SDK2: variants seen among roughly 807,000 people sequenced by gnomAD.
SDK2 encodes sidekick cell adhesion molecule 2, also known as protein sidekick-2.
Under a neutral mutation model 253.9 loss-of-function variants are expected in SDK2, and 105 were observed. The observed-to-expected ratio is 0.41, with a 90% CI of 0.35 to 0.49. The LOEUF (loss-of-function observed/expected upper bound fraction) is 0.49, where lower values mean the gene tolerates loss of function less well. Among genes scored for constraint, SDK2 ranks in the 20% least tolerant of loss-of-function variants. The pLI is 0.06. For synonymous variants in SDK2, 1,249 were observed against 1,234.9 expected, an observed-to-expected ratio of 1.01 and a Z score of -0.24; for missense variants, 2,608 against 3,003.0, an observed-to-expected ratio of 0.87 and a Z score of 3.07.
At chr17:73,357,901 C>T in intron 40 of SDK2, 178 bp downstream of exon 40, 3 of 956,892 alleles carry the variant, frequency 3.1e-6, no homozygotes, top group Non-Finnish European at 5.0e-6. Flanking sequence ...GCTAGGAGTC[C>T]AGCTCTAGGA....
At chr17:73,402,229 A>C in intron 18 of SDK2, 88 bp from the exon 19 acceptor site, 1 of 1,393,656 alleles carries the variant, frequency 7.2e-7, no homozygotes, top group Non-Finnish European at 9.9e-7. Context: ...CAATCAACAG[A>C]TGGTGTCCGG....
intron 1 of SDK2, among the ~76,000 whole-genome samples, chr17:73,539,893 C>A (rs1338201705): frequency 6.6e-6 from 1 of 152,218 alleles, no homozygotes; most frequent in Middle Eastern, 3.4e-3. Context: ...GATGGGCGGC[C>A]CCCACCAGAG....
At chr17:73,433,872 T>C (rs1007927489) in intron 9 of SDK2, 24 bp from the exon 10 acceptor site, 3 of 1,456,990 alleles carry the variant, frequency 2.1e-6, no homozygotes, top group Non-Finnish European at 2.8e-6. Context: ...AGTGGGGCCT[T>C]TTAGCCACAC....
At chr17:73,462,342 T>A (rs534368073) in intron 3 of SDK2, among the ~76,000 whole-genome samples, 1 of 152,094 alleles carries the variant, frequency 6.6e-6, no homozygotes, top group Non-Finnish European at 1.5e-5. Flanking sequence ...TGCATGTATA[T>A]GTTTTATGGT....
intron 16 of SDK2, among the ~76,000 whole-genome samples, chr17:73,417,208 A>G (rs1294865570): frequency 1.3e-5 from 2 of 148,962 alleles, no homozygotes; most frequent in East Asian, 4.0e-4. Flanking sequence ...GTTCGAGACC[A>G]GCCTGGCCAA....
chr17:73,389,240 G>A (rs1446396734), intron 29 of SDK2, among the ~76,000 whole-genome samples: 4 of 145,430 alleles, frequency 2.8e-5, no homozygotes, highest in Non-Finnish European at 4.5e-5. Flanking sequence ...CTGGAGTGCA[G>A]TGGTGTGATC....
chr17:73,390,458 T>C lies in SDK2; in HGVS notation c.4021A>G (p.Asn1341Asp). 6.2e-7 allele frequency: 1 copy of C among 1,612,392 alleles called. No individual in the cohort carries two copies. The change falls in exon 29 of 45, where the codon AAC (asparagine) becomes GAC (aspartate). Residue 1341 changes from asparagine (N) to aspartate (D), a missense_variant. Physicochemically the swap from Asn to Asp is conservative, Grantham distance 23. Coordinates refer to ENST00000392650, the MANE Select transcript of SDK2 (RefSeq NM_001144952.2). ...GTGGCGGTGTTGGCCGTGGTGGTGT[T>C]GAGCCGGTGTGTGATCTGGTAAGCT... The part of the protein sequence containing the change: ...ILAYQITHRL[N>D]TTTANTATVE...
chr17:73,631,878 A>T (rs1037866236), intron 1 of SDK2, among the ~76,000 whole-genome samples: 4 of 152,206 alleles, frequency 2.6e-5, no homozygotes, highest in Admixed American at 2.0e-4. Flanking sequence ...CCTCTGACTA[A>T]GAGAGTCTTC....
chr17:73,508,805 AC>A (rs1469262303), intron 1 of SDK2, among the ~76,000 whole-genome samples: 1 of 152,134 alleles, frequency 6.6e-6, no homozygotes, highest in Non-Finnish European at 1.5e-5. Flanking sequence ...TGAAGCCAAA[AC>A]CCGGGTGGGA....
chr17:73,472,190 G>C lies in SDK2; in HGVS notation c.253C>G (p.His85Asp), dbSNP rs1436923972. ...RYMITSLDRT[H>D]AGFYRCIVRN... ...ACGATGCAACGGTAAAAGCCAGCGT[G>C]GGTGCGGTCCAGGCTGGTGATCATG... The change falls in exon 3 of 45, where the codon CAC becomes GAC. Residue 85 changes from histidine (H) to aspartate (D), a missense_variant. Coordinates refer to ENST00000392650, the MANE Select transcript of SDK2 (RefSeq NM_001144952.2). 1 of 1,551,728 alleles carries C rather than the reference G, an allele frequency of 6.4e-7. No homozygotes were observed. The highest frequency in any genetic ancestry group is 1.2e-5 in the South Asian group (1 of 84,062).
Position 73,643,984 on chromosome 17 carries a change from C to CAA in SDK2, c.64+40_64+41insTT. The CAA allele has an allele frequency of 1.3e-6, 1 of 796,646 alleles. No homozygotes were observed. Among genetic ancestry groups the CAA allele is most frequent in the Non-Finnish European group, 2.0e-6 (1 of 510,664 alleles). The allele number at this position is 796,646 out of a possible 1,614,324, so 49.3% of individuals were successfully genotyped here. A position where few individuals can be genotyped will look rare whatever the true frequency, so the allele number is the denominator to read the frequency against. On this transcript the variant is annotated intron_variant, in intron 1 of 44. Transcript: ENST00000392650. This position sits in a 1 kb window ranked among gnomAD's most constrained non-coding sequence, Gnocchi z 6.9. Reference sequence around the variant, plus strand: ...CCGCCGCCCCTCCCCCGCCCACTCTCCCAGCCCCCTCCCTGTCCCCACGTG... The same window carrying CAA: ...CCGCCGCCCCTCCCCCGCCCACTCTCAACCAGCCCCCTCCCTGTCCCCACGTG...
intron 32 of SDK2, among the ~76,000 whole-genome samples, chr17:73,384,458 T>C (rs991360891): frequency 6.6e-6 from 1 of 152,220 alleles, no homozygotes; most frequent in Non-Finnish European, 1.5e-5. Flanking sequence ...TCCTGCAAGC[T>C]GAGCCCTCTC....
At chr17:73,405,490 A>G (rs1231711309) in intron 18 of SDK2, among the ~76,000 whole-genome samples, 2 of 98,230 alleles carry the variant, frequency 2.0e-5, no homozygotes, top group African/African-American at 3.7e-5. Flanking sequence ...ATATATATAT[A>G]TATATATATA....
intron 2 of SDK2, among the ~76,000 whole-genome samples, chr17:73,506,145 C>G (rs895787324): frequency 2.6e-5 from 4 of 152,218 alleles, no homozygotes; most frequent in African/African-American, 7.2e-5. Context: ...TGAGCGTGTC[C>G]AAAGTCTAAG....
At chr17:73,404,878 G>T (rs1030403393) in intron 18 of SDK2, among the ~76,000 whole-genome samples, 1 of 152,070 alleles carries the variant, frequency 6.6e-6, no homozygotes, top group Non-Finnish European at 1.5e-5. Flanking sequence ...CCTTGTAACT[G>T]AGCAGCAGTG....
chr17:73,447,447 C>T lies in SDK2; in HGVS notation c.613+168G>A, dbSNP rs540556120. Reference sequence around the variant, plus strand: ...AGCTGCTCCTTTCCTGCCCAGGCACCCCTGGCTCTGCTGTGTCTCGTCCTC... The same window carrying T: ...AGCTGCTCCTTTCCTGCCCAGGCACTCCTGGCTCTGCTGTGTCTCGTCCTC... On this transcript the variant is annotated intron_variant, in intron 5 of 44. Transcript: ENST00000392650. This position sits in a 1 kb window ranked among gnomAD's most constrained non-coding sequence, Gnocchi z 4.0. Among the ~76,000 whole-genome samples the T allele has an allele frequency of 1.3e-5, 2 of 152,130 alleles. No individual in the cohort carries two copies. Among genetic ancestry groups the T allele is most frequent in the African/African-American group, 2.4e-5 (1 of 41,416 alleles).
rs78076589 is a variant in SDK2, at chr17:73,572,767, C to A, written c.65-65170G>T. The stretch of plus-strand genomic sequence containing the variant: ...AGAAGGGGCATCAACATCTTCCTAT[C>A]ATTGACCCCTTCTGTGTCCTCAGCC... On this transcript the variant is annotated intron_variant, in intron 1 of 44. Coordinates refer to ENST00000392650, the MANE Select transcript of SDK2 (RefSeq NM_001144952.2). Among the ~76,000 whole-genome samples the A allele has an allele frequency of 2.6e-3, 390 of 152,298 alleles. 8 individuals are homozygous for A. The South Asian group carries it at 0.039, about 15-fold the overall frequency.
chr17:73,506,236 A>G (rs563484438), intron 2 of SDK2, among the ~76,000 whole-genome samples: 5 of 152,184 alleles, frequency 3.3e-5, no homozygotes, highest in East Asian at 1.9e-4. Context: ...CTGGCCCCCA[A>G]CTGAAAACCA....
intron 1 of SDK2, among the ~76,000 whole-genome samples, chr17:73,566,946 C>T (rs1179048846): frequency 6.6e-6 from 1 of 151,796 alleles, no homozygotes; most frequent in African/African-American, 2.4e-5. Flanking sequence ...AACAAAAGTG[C>T]CTTTCCAGTG....
Sources: allele counts gnomAD v4.1 joint callset (sites outside exome capture counted in the v4.1 genomes callset), GRCh38; gene constraint gnomAD v4.1.1; non-coding constraint Gnocchi (gnomAD v3.1); transcripts MANE v1.5; gene names NCBI Gene and HGNC (gene_info 2026-07-23, HGNC 2026-07-21).